The following TOPAZ1 variants were observed in gnomAD, a reference collection of about 807,000 sequenced individuals.
TOPAZ1 encodes the protein testis and ovary specific TOPAZ 1.
TOPAZ1 carries 66 observed loss-of-function variants against 172.2 expected under a neutral mutation model. The ratio of observed to expected loss-of-function variants is 0.38; its 90% CI spans 0.31 to 0.47. The LOEUF (loss-of-function observed/expected upper bound fraction) is 0.47, where lower values mean the gene tolerates loss of function less well. Among genes scored for constraint, TOPAZ1 ranks in the 20% least tolerant of loss-of-function variants. The pLI is 0.99. For synonymous variants in TOPAZ1, 681 were observed against 683.9 expected, an observed-to-expected ratio of 1.00 and a Z score of 0.07; for missense variants, 1,822 against 1,972.4, an observed-to-expected ratio of 0.92 and a Z score of 1.44.
At chr3:44,277,823 T>A (rs1276138344) in intron 8 of TOPAZ1, among the ~76,000 whole-genome samples, 1 of 152,158 alleles carries the variant, frequency 6.6e-6, no homozygotes, top group African/African-American at 2.4e-5. Flanking sequence ...GTTCCTGCTT[T>A]CACCATGTGA....
chr3:44,297,120 G>T (rs561972749), intron 12 of TOPAZ1, among the ~76,000 whole-genome samples: 1 of 149,032 alleles, frequency 6.7e-6, no homozygotes, highest in African/African-American at 2.5e-5. Flanking sequence ...ACAGTGAGCC[G>T]AGATTGAACC....
intron 2 of TOPAZ1, among the ~76,000 whole-genome samples, chr3:44,253,582 T>C (rs1435222021): frequency 1.3e-5 from 2 of 152,120 alleles, no homozygotes; most frequent in Admixed American, 1.3e-4. Flanking sequence ...ATTTAGACAT[T>C]TTGAGTTGAA....
chr3:44,254,324 T>C (rs1440156082), intron 2 of TOPAZ1, among the ~76,000 whole-genome samples: 1 of 152,156 alleles, frequency 6.6e-6, no homozygotes, highest in African/African-American at 2.4e-5. Context: ...GACATACATA[T>C]ACATGCTTAA....
intron 6 of TOPAZ1, among the ~76,000 whole-genome samples, chr3:44,267,820 A>G (rs1243013010): frequency 1.3e-5 from 2 of 152,116 alleles, no homozygotes; most frequent in African/African-American, 4.8e-5. Context: ...CACACACCTA[A>G]CTTTTCTATA....
Position 44,305,455 on chromosome 3 carries a change from G to A in TOPAZ1, c.4039+134G>A, listed in dbSNP as rs754590463. 98 of 638,886 alleles carry A rather than the reference G, an allele frequency of 1.5e-4. No individual in the cohort carries two copies. The Middle Eastern group carries it at 1.8e-3, about 12-fold the overall frequency. The allele number at this position is 638,886 out of a possible 1,614,324, so 39.6% of individuals were successfully genotyped here. A position where few individuals can be genotyped will look rare whatever the true frequency, so the allele number is the denominator to read the frequency against. Reference sequence around the variant, plus strand: ...TGCGGTCATAGCTCACCGCAGCCTCGAACTCCTGGGCTCAAGCACTTCTCC... The same window carrying A: ...TGCGGTCATAGCTCACCGCAGCCTCAAACTCCTGGGCTCAAGCACTTCTCC... On this transcript the variant is annotated intron_variant, in intron 14 of 19. Transcript: ENST00000309765.
In TOPAZ1 at chr3:44,282,040, CAATT is replaced by C. The variant is rs540168181; in HGVS notation, c.3436+12_3436+15del. 314 of 1,484,976 alleles carry C rather than the reference CAATT, an allele frequency of 2.1e-4. No homozygotes were observed. The African/African-American group carries it at 3.7e-3, about 18-fold the overall frequency. The allele number at this position is 1,484,976 out of a possible 1,614,324, so 92.0% of individuals were successfully genotyped here. The stretch of plus-strand genomic sequence containing the variant: ...TTTGCTACAGCGTGCAGGTATGAAA[CAATT>C]AAATAATTAGTATGAAGCTATTAAT... On this transcript the variant is annotated intron_variant, in intron 9 of 19. Transcript: ENST00000309765.
At chr3:44,249,388 G>T (rs767858921) in intron 2 of TOPAZ1, among the ~76,000 whole-genome samples, 6 of 152,156 alleles carry the variant, frequency 3.9e-5, no homozygotes, top group Non-Finnish European at 4.4e-5. Context: ...TTGGATTTTA[G>T]ATTAACAAAG....
In TOPAZ1 at chr3:44,256,351, G is replaced by A; in HGVS notation, c.2955+73G>A. ...GGTAATGCATAAATCCATCTTAACA[G>A]TGCTATCGGGTGGCAAGTGTAACTC... On this transcript the variant is annotated intron_variant, in intron 4 of 19. Coordinates refer to ENST00000309765, the MANE Select transcript of TOPAZ1 (RefSeq NM_001145030.2). 3 of 1,381,550 alleles carry A rather than the reference G, an allele frequency of 2.2e-6. No individual in the cohort carries two copies. In the East Asian group the frequency reaches 8.4e-5, roughly 39 times the overall value. 85.6% of individuals were successfully genotyped at this position (1,381,550 alleles called of 1,614,324 possible). A position where few individuals can be genotyped will look rare whatever the true frequency, so the allele number is the denominator to read the frequency against.
At chr3:44,318,185 C>T (rs899181893) in intron 16 of TOPAZ1, among the ~76,000 whole-genome samples, 2 of 152,142 alleles carry the variant, frequency 1.3e-5, no homozygotes, top group South Asian at 2.1e-4. Flanking sequence ...TGGTGGCTCA[C>T]GCCTGTAATC....
chr3:44,315,748 A>C (rs960457839), intron 16 of TOPAZ1, among the ~76,000 whole-genome samples: 1 of 152,050 alleles, frequency 6.6e-6, no homozygotes, highest in Non-Finnish European at 1.5e-5. Flanking sequence ...TCTTTGATTG[A>C]ATACCACAGT....
chr3:44,250,059 C>G (rs1383476103), intron 2 of TOPAZ1, among the ~76,000 whole-genome samples: 1 of 152,028 alleles, frequency 6.6e-6, no homozygotes, highest in Non-Finnish European at 1.5e-5. Context: ...AAAATAAAAG[C>G]CTACCACTTT....
downstream of TOPAZ1, among the ~76,000 whole-genome samples, chr3:44,333,778 C>T (rs186217633): frequency 1.2e-3 from 184 of 152,140 alleles, 1 homozygote; most frequent in Admixed American, 4.4e-3. Context: ...TGTTGGCTCT[C>T]GGGTAGTAAG....
intron 18 of TOPAZ1, among the ~76,000 whole-genome samples, chr3:44,327,415 TC>T (rs1240935324): frequency 6.6e-6 from 1 of 152,200 alleles, no homozygotes; most frequent in Non-Finnish European, 1.5e-5. Context: ...TATATATCTC[TC>T]CTAATAAGCA....
rs1370092340 is a variant in TOPAZ1 at position 44,242,047 on chromosome 3, G to A, written c.-7G>A. ...AGAGGGGCCCCAGCGGGCCGGCCCC[G>A]GGGCACATGCGACGACCTCCACCCC... is the stretch of plus-strand genomic sequence containing the variant. On this transcript the variant is annotated 5_prime_UTR_variant, in exon 1 of 20. Coordinates refer to ENST00000309765, the MANE Select transcript of TOPAZ1 (RefSeq NM_001145030.2). 12 of 1,541,706 alleles carry A rather than the reference G, an allele frequency of 7.8e-6. No homozygotes were observed. Among genetic ancestry groups the A allele is most frequent in the Admixed American group, 2.0e-5 (1 of 50,620 alleles).
chr3:44,258,769 A>G lies in TOPAZ1; in HGVS notation c.2955+2491A>G, dbSNP rs571353137. On this transcript the variant is annotated intron_variant, in intron 4 of 19. Transcript: ENST00000309765. ...GGGACTCTTACAGGATAAAGCTGCT[A>G]TCTATAAACGTTCATGTACAGGTTT... Among the ~76,000 whole-genome samples the G allele has an allele frequency of 9.2e-5, 14 of 152,278 alleles. No individual in the cohort carries two copies. In the East Asian group the frequency reaches 1.5e-3, roughly 17 times the overall value.
At position 44,243,186 on chromosome 3, in the gene TOPAZ1, G is replaced by A. The variant is rs1353399438; in HGVS notation, c.680G>A (p.Arg227His). 13 of 1,548,836 alleles carry A rather than the reference G, an allele frequency of 8.4e-6. No homozygotes were observed. The East Asian group carries it at 1.7e-4, about 20-fold the overall frequency. ...GAAAATAATTCCGTTTTAAAATTACGTGATTGCAATTGTTTCCCCCATTCC... is the reference window on the plus strand; with the variant it reads ...GAAAATAATTCCGTTTTAAAATTACATGATTGCAATTGTTTCCCCCATTCC... ...EVENNSVLKLRDCNCFPHSKG... is the reference protein window; with the variant it reads ...EVENNSVLKLHDCNCFPHSKG... Residue 227 changes from arginine (R) to histidine (H), a missense_variant, in exon 2 of 20, where the codon CGT (arginine) becomes CAT (histidine). Physicochemically the swap from Arg to His is conservative, Grantham distance 29. Coordinates refer to ENST00000309765, the MANE Select transcript of TOPAZ1 (RefSeq NM_001145030.2).
intron 4 of TOPAZ1, 50 bp from the exon 5 acceptor site, chr3:44,262,369 G>A: frequency 1.0e-6 from 1 of 977,248 alleles, no homozygotes; most frequent in Non-Finnish European, 1.5e-6. Flanking sequence ...AGCTTAGTAT[G>A]TAATACAGAG....
intron 9 of TOPAZ1, among the ~76,000 whole-genome samples, chr3:44,287,113 C>T (rs1384692013): frequency 2.0e-5 from 3 of 152,256 alleles, no homozygotes; most frequent in South Asian, 4.1e-4. Context: ...CTCATATTGA[C>T]GCTATGATGT....
At chr3:44,282,662 A>T (rs1406124118) in intron 9 of TOPAZ1, among the ~76,000 whole-genome samples, 1 of 152,168 alleles carries the variant, frequency 6.6e-6, no homozygotes, top group Non-Finnish European at 1.5e-5. Flanking sequence ...AAGAAGATAG[A>T]CACCATGCTT....
Sources: allele counts gnomAD v4.1 joint callset (sites outside exome capture counted in the v4.1 genomes callset), GRCh38; gene constraint gnomAD v4.1.1; transcripts MANE v1.5; gene names NCBI Gene and HGNC (gene_info 2026-07-23, HGNC 2026-07-21).